The following HIP1 variants were observed in gnomAD, a reference collection of about 807,000 sequenced individuals.
HIP1 encodes the protein huntingtin-interacting protein 1.
In HIP1, 65 loss-of-function variants were observed where a neutral mutation model predicts 147.6. The observed-to-expected ratio is 0.44, with a 90% confidence interval of 0.36 to 0.54. The LOEUF is 0.54. Among genes scored for constraint, HIP1 ranks in the 20% least tolerant of loss-of-function variants. The pLI is 0.00. For missense variants in HIP1, 1,061 were observed against 1,299.6 expected (o/e 0.82, Z 2.82); for synonymous variants, 479 against 504.0 (o/e 0.95, Z 0.67).
intron 1 of HIP1, among the ~76,000 whole-genome samples, chr7:75,606,039 G>T (rs903192118): frequency 1.3e-5 from 2 of 151,938 alleles, no homozygotes; most frequent in African/African-American, 4.8e-5. Flanking sequence ...AATAGAGACG[G>T]GGTCTCATTA....
intron 1 of HIP1, among the ~76,000 whole-genome samples, chr7:75,652,314 C>CAAA (rs34220339): frequency 1.9e-5 from 2 of 105,458 alleles, no homozygotes; most frequent in Non-Finnish European, 4.0e-5. Flanking sequence ...GAGACTGTCT[C>CAAA]AAAAAAAAAA....
intron 1 of HIP1, among the ~76,000 whole-genome samples, chr7:75,622,727 C>T (rs188333925): frequency 1.6e-4 from 24 of 151,982 alleles, no homozygotes; most frequent in Non-Finnish European, 3.1e-4. Context: ...CCTGTAATCC[C>T]AATGCTTTGG....
chr7:75,565,992 G>A (rs1443201732), intron 9 of HIP1, among the ~76,000 whole-genome samples: 7 of 151,092 alleles, frequency 4.6e-5, no homozygotes, highest in Non-Finnish European at 1.0e-4. Flanking sequence ...GGGATTACAG[G>A]TGTGAGCCAC....
chr7:75,614,774 A>ATT (rs35595200), intron 1 of HIP1, among the ~76,000 whole-genome samples: 1 of 151,312 alleles, frequency 6.6e-6, no homozygotes, highest in African/African-American at 2.4e-5. Context: ...TGAGAAACTG[A>ATT]TTTTTTTTTC....
At chr7:75,724,651 G>C (rs73145061) in intron 1 of HIP1, among the ~76,000 whole-genome samples, 22,662 of 152,174 alleles carry the variant, frequency 0.15, 2,410 homozygotes, top group East Asian at 0.45. Context: ...CCTTAGCTGG[G>C]ATAAAGCCCT....
At chr7:75,592,611 C>T (rs1266316506) in intron 2 of HIP1, 97 bp from the exon 3 acceptor site, 4 of 1,257,114 alleles carry the variant, frequency 3.2e-6, no homozygotes, top group South Asian at 1.4e-5. Flanking sequence ...AGCCTGCACC[C>T]AGCCATCACA....
chr7:75,611,087 AT>A (rs59350428), intron 1 of HIP1, among the ~76,000 whole-genome samples: 87,809 of 146,348 alleles, frequency 0.6, 28,503 homozygotes, highest in African/African-American at 0.87. Flanking sequence ...TGTATTTTGT[AT>A]TTTTTTTTTT....
At chr7:75,712,187 A>T (rs1363060485) in intron 1 of HIP1, among the ~76,000 whole-genome samples, 4 of 152,094 alleles carry the variant, frequency 2.6e-5, no homozygotes, top group African/African-American at 9.7e-5. Flanking sequence ...CGGGGGGAAA[A>T]AAAGTTATTT....
rs117123192 is a variant in HIP1 at position 75,725,686 on chromosome 7, A to G, written c.120+13115T>C. 5.9e-4 allele frequency among the ~76,000 whole-genome samples: 90 copies of G among 152,310 alleles called. No individual in the cohort carries two copies. The East Asian group carries it at 0.013, about 21-fold the overall frequency. On this transcript the variant is annotated intron_variant, in intron 1 of 30. Coordinates refer to ENST00000336926, the MANE Select transcript of HIP1 (RefSeq NM_005338.7). ...AACTAAAGTTTATTTTCATGGGTGT[A>G]TAGTATTCTGATGAAAGACTATATT...
intron 1 of HIP1, among the ~76,000 whole-genome samples, chr7:75,649,639 T>C (rs994612525): frequency 4.6e-5 from 7 of 152,120 alleles, no homozygotes; most frequent in Non-Finnish European, 8.8e-5. Context: ...AGCCTGGGCA[T>C]CAGAACTTTA....
chr7:75,595,278 TC>T lies in HIP1; in HGVS notation c.185-2765del, dbSNP rs1193707636. On this transcript the variant is annotated intron_variant, in intron 2 of 30. Coordinates refer to ENST00000336926, the MANE Select transcript of HIP1 (RefSeq NM_005338.7). ...TTCCTTCCTTCCTTCCTTCCTTCCT[TC>T]CTTCCTTTCTTTCTTTCTCTCTCTC... Among the ~76,000 whole-genome samples the T allele has an allele frequency of 7.2e-3, 963 of 132,858 alleles. 6 individuals carry two copies. The highest frequency in any genetic ancestry group is 0.011 in the African/African-American group (344 of 31,152). The allele number at this position is 132,858 out of a possible 152,430, so 87.2% of individuals were successfully genotyped here.
chr7:75,580,274 A>G (rs1795989783), intron 7 of HIP1, among the ~76,000 whole-genome samples: 1 of 152,208 alleles, frequency 6.6e-6, no homozygotes, highest in Admixed American at 6.6e-5. Flanking sequence ...AGTTCCGAGT[A>G]GCAGACAAGA....
At chr7:75,587,696 G>A (rs587724391) in intron 4 of HIP1, among the ~76,000 whole-genome samples, 1 of 152,268 alleles carries the variant, frequency 6.6e-6, no homozygotes, top group East Asian at 1.9e-4. Context: ...AGGTGCAGTG[G>A]CTCATGCCTG....
At chr7:75,647,211 C>CAAAAAAAAAAAAAAAAAAAAAAAAAA (rs60972195) in intron 1 of HIP1, among the ~76,000 whole-genome samples, 2 of 57,992 alleles carry the variant, frequency 3.4e-5, no homozygotes, top group Non-Finnish European at 6.1e-5. Context: ...ACTAAAAATA[C>CAAAAAAAAAAAAAAAAAAAAAAAAAA]AAAAAAAAAA....
At chr7:75,557,444 A>C (rs1196737816) in intron 16 of HIP1, among the ~76,000 whole-genome samples, 1 of 151,996 alleles carries the variant, frequency 6.6e-6, no homozygotes, top group Non-Finnish European at 1.5e-5. Context: ...GCCTTTGTTG[A>C]TTAACCCCAG....
chr7:75,708,453 G>A (rs530386444), intron 1 of HIP1, among the ~76,000 whole-genome samples: 3 of 151,996 alleles, frequency 2.0e-5, no homozygotes, highest in Admixed American at 6.6e-5. Flanking sequence ...GTTTTGCCCC[G>A]TGTTTTCTTC....
chr7:75,658,089 C>G (rs575462386), intron 1 of HIP1, among the ~76,000 whole-genome samples: 3 of 152,142 alleles, frequency 2.0e-5, no homozygotes, highest in Non-Finnish European at 1.5e-5. Context: ...GCTGGCTTAC[C>G]AATCTCTTCC....
intron 1 of HIP1, among the ~76,000 whole-genome samples, chr7:75,658,424 G>C (rs1584926491): frequency 1.3e-5 from 2 of 152,256 alleles, no homozygotes; most frequent in East Asian, 3.9e-4. Context: ...CTGGAGGGTG[G>C]AGAACAAATC....
intron 27 of HIP1, 135 bp downstream of exon 27, chr7:75,544,560 C>T (rs1297290911): frequency 2.5e-5 from 17 of 686,584 alleles, no homozygotes; most frequent in Non-Finnish European, 2.7e-6. Flanking sequence ...CTAACCTAGC[C>T]AAGTGCCATC....
Sources: gnomAD v4.1 joint callset for allele counts (sites outside exome capture counted in the v4.1 genomes callset) on GRCh38, gnomAD v4.1.1 for gene constraint, MANE v1.5 for transcripts, NCBI Gene and HGNC (gene_info 2026-07-23, HGNC 2026-07-21) for gene names.